The following CEP83 variants were observed in gnomAD, a reference collection of about 807,000 sequenced individuals.
The protein encoded by CEP83 is centrosomal protein 83.
Under a neutral mutation model 101.9 loss-of-function variants are expected in CEP83, and 70 were observed. That is an observed-to-expected ratio of 0.69 (90% CI 0.57 to 0.84). The LOEUF (loss-of-function observed/expected upper bound fraction) is 0.84. Among genes scored for constraint, CEP83 ranks in the 40% least tolerant of loss-of-function variants. The pLI, the probability that CEP83 is intolerant of heterozygous loss-of-function variation, is 0.00. For missense variants in CEP83, 715 were observed against 787.2 expected, an observed-to-expected ratio of 0.91 and a Z score of 1.10; for synonymous variants, 264 against 267.9, an observed-to-expected ratio of 0.99 and a Z score of 0.14.
At chr12:94,418,455 T>A (rs181649660) in intron 2 of CEP83, among the ~76,000 whole-genome samples, 12 of 152,160 alleles carry the variant, frequency 7.9e-5, no homozygotes, top group Admixed American at 7.9e-4. Context: ...ATTAATGCAC[T>A]GGGAAGATAC....
At chr12:94,385,030 GC>G (rs1458217246) in intron 6 of CEP83, among the ~76,000 whole-genome samples, 1 of 152,114 alleles carries the variant, frequency 6.6e-6, no homozygotes, top group Non-Finnish European at 1.5e-5. Context: ...GTATTAGCTG[GC>G]TTTTTGTGAT....
intron 6 of CEP83, among the ~76,000 whole-genome samples, chr12:94,394,524 A>G (rs898553425): frequency 1.3e-5 from 2 of 152,226 alleles, no homozygotes; most frequent in African/African-American, 4.8e-5. Context: ...TAAAAACCCT[A>G]GAAGAAAACC....
chr12:94,333,685 G>A (rs1274832576), intron 12 of CEP83, 46 bp from the exon 13 acceptor site: 4 of 1,580,594 alleles, frequency 2.5e-6, no homozygotes, highest in Non-Finnish European at 8.6e-7. Flanking sequence ...CTAAATAAAT[G>A]CGGTAAGGTA....
intron 6 of CEP83, among the ~76,000 whole-genome samples, chr12:94,399,597 G>A (rs2137551526): frequency 6.6e-6 from 1 of 152,138 alleles, no homozygotes; most frequent in East Asian, 1.9e-4. Flanking sequence ...GCCAGGTGAG[G>A]TAGTACATGC....
intron 4 of CEP83, chr12:94,408,202 T>C (rs1249949604): frequency 6.6e-6 from 1 of 152,204 alleles, no homozygotes; most frequent in South Asian, 2.1e-4. Flanking sequence ...CTAGGTGTCA[T>C]TACCTATTTT....
intron 6 of CEP83, among the ~76,000 whole-genome samples, chr12:94,399,716 C>T (rs1214012914): frequency 6.6e-6 from 1 of 152,160 alleles, no homozygotes; most frequent in Non-Finnish European, 1.5e-5. Flanking sequence ...AGAGCAAGAC[C>T]TCCTCTTGAT....
the CEP83 span, among the ~76,000 whole-genome samples, chr12:94,284,854 G>A: frequency 1.3e-5 from 2 of 152,222 alleles, no homozygotes; most frequent in African/African-American, 4.8e-5. Context: ...GGGAAGCCAT[G>A]GGAGGTCCTG....
chr12:94,396,891 A>T (rs1037578132), intron 6 of CEP83, among the ~76,000 whole-genome samples: 4 of 152,224 alleles, frequency 2.6e-5, no homozygotes, highest in Non-Finnish European at 5.9e-5. Context: ...AGATGACAAG[A>T]TTCAGCTCTA....
At chr12:94,413,429 C>A in intron 2 of CEP83, among the ~76,000 whole-genome samples, 1 of 152,128 alleles carries the variant, frequency 6.6e-6, no homozygotes, top group Non-Finnish European at 1.5e-5. Flanking sequence ...GGTATAAAAT[C>A]CATACTCCCA....
At chr12:94,438,044 C>T (rs1024213901) in intron 1 of CEP83, among the ~76,000 whole-genome samples, 1 of 151,896 alleles carries the variant, frequency 6.6e-6, no homozygotes, top group African/African-American at 2.4e-5. Flanking sequence ...CGGCAAAAGC[C>T]CATCTCTACT....
At chr12:94,364,563 A>G (rs2060929097) in intron 11 of CEP83, among the ~76,000 whole-genome samples, 1 of 151,972 alleles carries the variant, frequency 6.6e-6, no homozygotes. Context: ...TCAGGAGTTC[A>G]GTGTTACAGT....
intron 13 of CEP83, among the ~76,000 whole-genome samples, chr12:94,333,235 G>A (rs2059311772): frequency 6.6e-6 from 1 of 151,824 alleles, no homozygotes; most frequent in African/African-American, 2.4e-5. Flanking sequence ...TTTTCTTTGA[G>A]GTTTTTCAGA....
chr12:94,412,390 A>G lies in CEP83; in HGVS notation c.101T>C (p.Met34Thr). The G allele has an allele frequency of 6.2e-7, 1 of 1,612,922 alleles. No homozygotes were observed. Among genetic ancestry groups the G allele is most frequent in the Non-Finnish European group, 8.5e-7 (1 of 1,179,420 alleles). Residue 34 changes from methionine to threonine, a missense_variant, in exon 3 of 17, where the codon ATG becomes ACG. Physicochemically the swap from Met to Thr is moderately conservative, Grantham distance 81. Coordinates refer to ENST00000397809, the MANE Select transcript of CEP83 (RefSeq NM_016122.3). ...ACATCGTAACCTTTCATCAATTAAC[A>G]TTTTCTGGAACTCCGACTGAGAACC... ...LTGSQSEFQK[M>T]LIDERLRCEH...
intron 1 of CEP83, among the ~76,000 whole-genome samples, chr12:94,453,758 C>G (rs1289699131): frequency 1.3e-5 from 2 of 152,154 alleles, no homozygotes; most frequent in African/African-American, 4.8e-5. Flanking sequence ...AAGTGACTCA[C>G]CCAGTCAAGC....
At chr12:94,419,580 T>C (rs147237472) in intron 2 of CEP83, among the ~76,000 whole-genome samples, 3 of 152,238 alleles carry the variant, frequency 2.0e-5, no homozygotes, top group African/African-American at 7.2e-5. Flanking sequence ...ATGAGAAGAC[T>C]TTACTATATA....
chr12:94,379,172 GA>G (rs1451336931), intron 6 of CEP83, 130 bp from the exon 7 acceptor site: 3 of 766,334 alleles, frequency 3.9e-6, no homozygotes, highest in Non-Finnish European at 6.1e-6. Flanking sequence ...AAGTACAAAG[GA>G]AAAAATTTTA....
chr12:94,390,921 T>G (rs1355756069), intron 6 of CEP83, among the ~76,000 whole-genome samples: 2 of 151,148 alleles, frequency 1.3e-5, no homozygotes, highest in African/African-American at 4.9e-5. Flanking sequence ...AAGACAAAGT[T>G]AGAGAAAAAA....
At chr12:94,319,141 G>GT (rs1651538141) in intron 14 of CEP83, among the ~76,000 whole-genome samples, 1 of 152,276 alleles carries the variant, frequency 6.6e-6, no homozygotes, top group South Asian at 2.1e-4. Flanking sequence ...TCTTGGGAAG[G>GT]TGTATGTGTC....
At chr12:94,397,713 C>A (rs966069500) in intron 6 of CEP83, among the ~76,000 whole-genome samples, 4 of 152,082 alleles carry the variant, frequency 2.6e-5, no homozygotes, top group African/African-American at 9.7e-5. Context: ...AAGGAAAGTA[C>A]AAAATAAAGC....
Sources: allele counts gnomAD v4.1 joint callset (sites outside exome capture counted in the v4.1 genomes callset), GRCh38; gene constraint gnomAD v4.1.1; transcripts MANE v1.5; gene names NCBI Gene and HGNC (gene_info 2026-07-23, HGNC 2026-07-21).